Variants in FAM47E observed in about 807,000 individuals in gnomAD.
FAM47E encodes the protein protein FAM47E.
FAM47E carries 32 observed loss-of-function variants against 41.6 expected under a neutral mutation model. The ratio of observed to expected loss-of-function variants is 0.77; its 90% CI spans 0.58 to 1.03. FAM47E has a LOEUF of 1.03. Among genes scored for constraint, FAM47E ranks in the 50% least tolerant of loss-of-function variants. FAM47E has a pLI of 0.00. For missense variants in FAM47E, 424 were observed against 485.4 expected, an observed-to-expected ratio of 0.87 and a Z score of 1.19; for synonymous variants, 184 against 188.7, an observed-to-expected ratio of 0.98 and a Z score of 0.20.
At chr4:76,241,362 G>C (rs536225478) in intron 2 of FAM47E, among the ~76,000 whole-genome samples, 5 of 152,142 alleles carry the variant, frequency 3.3e-5, no homozygotes, top group Admixed American at 6.5e-5. Flanking sequence ...TGCCACAATG[G>C]GGGGGAAGGT....
At position 76,278,187 on chromosome 4, in the gene FAM47E, C is replaced by T; in HGVS notation, c.989C>T (p.Ala330Val). ...PLVDPEVSHK[A>V]QEENFKKELQ... ...GTTGACCCTGAGGTCTCACATAAGG[C>T]TCAAGAGGAGAATTTTAAAAAGGAG... The change falls in exon 6 of 8, where the codon GCT (alanine) becomes GTT (valine). Residue 330 changes from alanine to valine, a missense_variant. Transcript: ENST00000424749. The T allele has an allele frequency of 6.5e-7, 1 of 1,544,382 alleles. No individual in the cohort carries two copies. The highest frequency in any genetic ancestry group is 8.7e-7 in the Non-Finnish European group (1 of 1,145,362).
intron 2 of FAM47E, among the ~76,000 whole-genome samples, chr4:76,229,995 C>G (rs1186165063): frequency 6.6e-6 from 1 of 152,198 alleles, no homozygotes; most frequent in Non-Finnish European, 1.5e-5. Context: ...TTCAAGAGAG[C>G]ACCAGCTACG....
chr4:76,258,677 C>T (rs6851219), intron 2 of FAM47E, among the ~76,000 whole-genome samples: 19,685 of 152,170 alleles, frequency 0.13, 1,580 homozygotes, highest in East Asian at 0.32. Flanking sequence ...TCCCAAACAT[C>T]ATAATCGTGA....
At chr4:76,240,302 C>A (rs1733680684) in intron 2 of FAM47E, among the ~76,000 whole-genome samples, 2 of 152,174 alleles carry the variant, frequency 1.3e-5, no homozygotes, top group Admixed American at 1.3e-4. Flanking sequence ...GTGATGATCA[C>A]TTCTCTCTTG....
chr4:76,280,253 T>TA lies in FAM47E; in HGVS notation c.1027-10dup, dbSNP rs1482115124. 6.5e-7 allele frequency: 1 copy of TA among 1,530,680 alleles called. No individual in the cohort carries two copies. Among genetic ancestry groups the TA allele is most frequent in the Non-Finnish European group, 8.9e-7 (1 of 1,129,932 alleles). 94.8% of individuals were successfully genotyped at this position (1,530,680 alleles called of 1,614,324 possible). A position where few individuals can be genotyped will look rare whatever the true frequency, so the allele number is the denominator to read the frequency against. On this transcript the variant is annotated splice_polypyrimidine_tract_variant and intron_variant, in intron 6 of 7. Transcript: ENST00000424749. Reference sequence around the variant, plus strand: ...GCTGACCCCTTTCTTCAAATGTGGGTACTCTTTTAGGAGGAGTTACTTGCA... The same window carrying TA: ...GCTGACCCCTTTCTTCAAATGTGGGTAACTCTTTTAGGAGGAGTTACTTGCA...
At chr4:76,265,039 G>A (rs1196753259) in intron 3 of FAM47E, among the ~76,000 whole-genome samples, 2 of 152,184 alleles carry the variant, frequency 1.3e-5, no homozygotes, top group African/African-American at 4.8e-5. Flanking sequence ...TGTAGAGCTT[G>A]TTGGTCACAC....
intron 2 of FAM47E, among the ~76,000 whole-genome samples, chr4:76,219,626 G>A (rs1019257706): frequency 1.3e-5 from 2 of 152,148 alleles, no homozygotes; most frequent in African/African-American, 2.4e-5. Flanking sequence ...GGGAGAAAGG[G>A]GGGATGGAGA....
At chr4:76,222,214 T>G (rs1733321070) in intron 2 of FAM47E, among the ~76,000 whole-genome samples, 1 of 152,062 alleles carries the variant, frequency 6.6e-6, no homozygotes, top group African/African-American at 2.4e-5. Flanking sequence ...CTGGGCATCA[T>G]ATTTCCTATC....
chr4:76,247,271 C>T (rs570109594), upstream of FAM47E, among the ~76,000 whole-genome samples: 10 of 152,224 alleles, frequency 6.6e-5, no homozygotes, highest in South Asian at 1.9e-3. Context: ...TATAACTTAT[C>T]AAAATTTCAT....
chr4:76,262,544 T>A (rs550546910), intron 2 of FAM47E, among the ~76,000 whole-genome samples: 1 of 152,318 alleles, frequency 6.6e-6, no homozygotes, highest in African/African-American at 2.4e-5. Flanking sequence ...AGAGCTCTAA[T>A]TCATTTCATG....
At chr4:76,252,963 G>GTA (rs1156753419) in intron 1 of FAM47E, among the ~76,000 whole-genome samples, 26 of 152,152 alleles carry the variant, frequency 1.7e-4, no homozygotes, top group African/African-American at 6.0e-4. Flanking sequence ...TTGGTCATAT[G>GTA]TATACATAAA....
At chr4:76,244,142 T>C (rs556944907) in intron 2 of FAM47E, among the ~76,000 whole-genome samples, 263 of 152,342 alleles carry the variant, frequency 1.7e-3, no homozygotes, top group African/African-American at 6.0e-3. Flanking sequence ...CAGTCTATCA[T>C]TGATGGACAT....
At chr4:76,276,033 G>GACACACAC (rs757663103) in intron 5 of FAM47E, among the ~76,000 whole-genome samples, 11 of 79,256 alleles carry the variant, frequency 1.4e-4, no homozygotes, top group African/African-American at 5.1e-4. Flanking sequence ...CAGACAGACA[G>GACACACAC]ACAGACACAC....
intron 2 of FAM47E, 28 bp downstream of exon 2, chr4:76,256,551 G>A: frequency 6.6e-7 from 1 of 1,506,458 alleles, no homozygotes; most frequent in Non-Finnish European, 8.9e-7. Context: ...TTGTGGGAGG[G>A]GCTTCACTGG....
intron 3 of FAM47E, among the ~76,000 whole-genome samples, chr4:76,264,361 C>T (rs1472787428): frequency 6.6e-6 from 1 of 151,860 alleles, no homozygotes; most frequent in Non-Finnish European, 1.5e-5. Flanking sequence ...CATGCCTGAC[C>T]TAAGCCTTTT....
rs1448281966 is a variant in FAM47E at position 76,223,740 on chromosome 4, CA to C, written c.81+6054del. On this transcript the variant is annotated intron_variant, in intron 2 of 7. Transcript: ENST00000510197. ...TCCATAGTCCCTCAAGGCCCAGTCA[CA>C]AGTGTGCTTTTCCATAACCCTTCTT... Among the ~76,000 whole-genome samples the C allele has an allele frequency of 6.6e-5, 10 of 152,300 alleles. No homozygotes were observed. The East Asian group carries it at 1.9e-3, about 29-fold the overall frequency.
Position 76,227,118 on chromosome 4 carries a change from G to C in FAM47E, c.81+9430G>C, listed in dbSNP as rs143670970. Among the ~76,000 whole-genome samples, 768 of 152,238 alleles carry C rather than the reference G, an allele frequency of 5.0e-3. 2 individuals carry two copies. In the Middle Eastern group the frequency reaches 0.051, roughly 10 times the overall value. Reference sequence around the variant, plus strand: ...TCTAGTTTCTTGAGGTGTGACCTTAGAGTGTCTATTTGTGCTCTTTCAGAC... The same window carrying C: ...TCTAGTTTCTTGAGGTGTGACCTTACAGTGTCTATTTGTGCTCTTTCAGAC... On this transcript the variant is annotated intron_variant, in intron 2 of 7. Transcript: ENST00000510197.
rs139485368 is a variant in FAM47E, at chr4:76,221,964, A to T, written c.81+4276A>T. Among the ~76,000 whole-genome samples, 977 of 152,338 alleles carry T rather than the reference A, an allele frequency of 6.4e-3. 7 individuals carry two copies. Among genetic ancestry groups the T allele is most frequent in the Non-Finnish European group, 8.0e-3 (542 of 68,036 alleles). On this transcript the variant is annotated intron_variant, in intron 2 of 7. Transcript: ENST00000510197. ...TAATCTATGCCACATGATGTTGTGG[A>T]ATTCATCCCAAACTCTTTAACAATA...
chr4:76,271,648 C>G lies in FAM47E; in HGVS notation c.750C>G (p.Leu250=). 3 of 1,552,164 alleles carry G rather than the reference C, an allele frequency of 1.9e-6. No individual in the cohort carries two copies. The highest frequency in any genetic ancestry group is 1.4e-5 in the African/African-American group (1 of 73,166). ...DYETKPSHDA[L]HTMKLNQVPL... The stretch of plus-strand genomic sequence containing the variant: ...AGACCAAACCAAGCCATGATGCGCT[C>G]CACACGATGAAGCTAAATCAGGTTC... Residue 250 remains leucine (L), a synonymous_variant, in exon 5 of 8, where the codon CTC becomes CTG. Transcript: ENST00000424749.
Sources: gnomAD v4.1 joint callset for allele counts (sites outside exome capture counted in the v4.1 genomes callset) on GRCh38, gnomAD v4.1.1 for gene constraint, MANE v1.5 for transcripts, NCBI Gene and HGNC (gene_info 2026-07-23, HGNC 2026-07-21) for gene names.